The following SH3GL1 variants were observed in gnomAD, a reference collection of about 807,000 sequenced individuals.
SH3GL1 encodes the protein SH3 domain containing GRB2 like 1, endophilin A2, also known as endophilin-A2.
Under a neutral mutation model 48.8 loss-of-function variants are expected in SH3GL1, and 21 were observed. The ratio of observed to expected loss-of-function variants is 0.43; its 90% CI spans 0.30 to 0.62. The LOEUF (loss-of-function observed/expected upper bound fraction) is 0.62, where lower values mean the gene tolerates loss of function less well. SH3GL1 is among the 20% of genes least tolerant of loss of function. The probability of loss-of-function intolerance (pLI) is 0.11; values close to 1 mark genes in which losing one functional copy is unlikely to be tolerated. For missense variants in SH3GL1, 454 were observed against 503.0 expected (o/e 0.90, Z 0.93); for synonymous variants, 282 against 217.5 (o/e 1.30, Z -2.61).
At chr19:4,396,820 G>T (rs887818428) in intron 1 of SH3GL1, among the ~76,000 whole-genome samples, 2 of 152,152 alleles carry the variant, frequency 1.3e-5, no homozygotes, top group South Asian at 4.1e-4. Context: ...ACCAAGCTGT[G>T]ACAACCAAAA....
rs993436184 is a variant in SH3GL1 at position 4,367,789 on chromosome 19, C to T, written c.46-795G>A. ...CCCTGAAATGTCCCATGGAACATGG[C>T]GGGAACCACTGAACCCCAGCACCGC... On this transcript the variant is annotated intron_variant, in intron 1 of 9. Transcript: ENST00000269886. This position sits in a 1 kb window ranked among gnomAD's most constrained non-coding sequence, Gnocchi z 4.2. 5.3e-5 allele frequency among the ~76,000 whole-genome samples: 8 copies of T among 152,354 alleles called. No homozygotes were observed. Among genetic ancestry groups the T allele is most frequent in the African/African-American group, 1.2e-4 (5 of 41,576 alleles).
chr19:4,367,095 G>A lies in SH3GL1; in HGVS notation c.46-101C>T. 2 of 1,033,508 alleles carry A rather than the reference G, an allele frequency of 1.9e-6. No individual in the cohort carries two copies. Among genetic ancestry groups the A allele is most frequent in the East Asian group, 2.4e-5 (1 of 42,180 alleles). 64.0% of individuals were successfully genotyped at this position (1,033,508 alleles called of 1,614,324 possible). ...TTCCAGCCACATCGCATCCACAGCT[G>A]GAGGCAGGAGGCCAAGTGATCAGGA... On this transcript the variant is annotated intron_variant, in intron 1 of 9. Coordinates refer to ENST00000269886, the MANE Select transcript of SH3GL1 (RefSeq NM_003025.4). This position sits in a 1 kb window ranked among gnomAD's most constrained non-coding sequence, Gnocchi z 4.2.
At chr19:4,364,307 CGTTT>C (rs1972712012) in intron 4 of SH3GL1, 86 bp from the exon 5 acceptor site, 2 of 1,549,968 alleles carry the variant, frequency 1.3e-6, no homozygotes, top group African/African-American at 2.7e-5. Context: ...TTTGAAATAG[CGTTT>C]CACAGGCTGG....
intron 3 of SH3GL1, 88 bp downstream of exon 3, chr19:4,366,413 G>T: frequency 1.9e-6 from 2 of 1,043,390 alleles, no homozygotes; most frequent in Non-Finnish European, 2.9e-6. Context: ...CAACCCATGA[G>T]CCTGGCGGTT....
At chr19:4,397,073 C>T (rs997576483) in intron 1 of SH3GL1, among the ~76,000 whole-genome samples, 5 of 152,092 alleles carry the variant, frequency 3.3e-5, no homozygotes, top group African/African-American at 1.2e-4. Context: ...CCAACAGGCA[C>T]AGCAGAGGGT....
At chr19:4,387,952 T>C (rs1199186726) in intron 1 of SH3GL1, among the ~76,000 whole-genome samples, 2 of 151,854 alleles carry the variant, frequency 1.3e-5, no homozygotes, top group East Asian at 3.9e-4. Context: ...CTCTGCCTCC[T>C]GAGTTCAAGC....
At chr19:4,368,824 C>A (rs1046697864) in intron 1 of SH3GL1, among the ~76,000 whole-genome samples, 2 of 152,200 alleles carry the variant, frequency 1.3e-5, no homozygotes, top group African/African-American at 4.8e-5. Context: ...GTAATCCCAG[C>A]ACTTTGGGAG....
chr19:4,365,397 A>C, intron 4 of SH3GL1, 85 bp downstream of exon 4: 1 of 1,564,702 alleles, frequency 6.4e-7, no homozygotes, highest in Admixed American at 1.7e-5. Context: ...GGCACTCAGC[A>C]CATGCAGGGC....
Position 4,361,478 on chromosome 19 carries a change from GC to G in SH3GL1, c.*121del. The G allele has an allele frequency of 1.4e-6, 1 of 718,278 alleles. No individual in the cohort carries two copies. The highest frequency in any genetic ancestry group is 2.3e-6 in the Non-Finnish European group (1 of 431,190). The allele number at this position is 718,278 out of a possible 1,614,324, so 44.5% of individuals were successfully genotyped here. A position where few individuals can be genotyped will look rare whatever the true frequency, so the allele number is the denominator to read the frequency against. On this transcript the variant is annotated 3_prime_UTR_variant, in exon 10 of 10. Coordinates refer to ENST00000269886, the MANE Select transcript of SH3GL1 (RefSeq NM_003025.4). ...CTCAGGGAGTACCTCAAGGGCCGGG[GC>G]CCAGGTGGCGCCGGCAGGCTCAGAC... is the stretch of plus-strand genomic sequence containing the variant.
Position 4,362,318 on chromosome 19 carries a change from G to A in SH3GL1, c.910+11C>T. ...CAGCACTGAGGTCGAGGCGGGCCTG[G>A]GAACACTCACGCATGCTCCGGCTAG... On this transcript the variant is annotated intron_variant, in intron 9 of 9. Coordinates refer to ENST00000269886, the MANE Select transcript of SH3GL1 (RefSeq NM_003025.4). 1 of 1,610,130 alleles carries A rather than the reference G, an allele frequency of 6.2e-7. No individual in the cohort carries two copies. The highest frequency in any genetic ancestry group is 8.5e-7 in the Non-Finnish European group (1 of 1,178,004).
At chr19:4,369,281 C>T (rs1435543978) in intron 1 of SH3GL1, among the ~76,000 whole-genome samples, 1 of 152,224 alleles carries the variant, frequency 6.6e-6, no homozygotes, top group African/African-American at 2.4e-5. Flanking sequence ...AGTTTCACTT[C>T]TTTTGATTGT....
chr19:4,395,562 A>C (rs1368217152), intron 1 of SH3GL1: 1 of 152,226 alleles, frequency 6.6e-6, no homozygotes, highest in Non-Finnish European at 1.5e-5. Flanking sequence ...AGGCTTATTC[A>C]TACATATGGT....
chr19:4,378,360 C>T (rs550609080), intron 1 of SH3GL1, among the ~76,000 whole-genome samples: 38 of 152,134 alleles, frequency 2.5e-4, no homozygotes, highest in African/African-American at 8.0e-4. Flanking sequence ...TGAGCAGGAA[C>T]ACAAACCCCT....
intron 1 of SH3GL1, among the ~76,000 whole-genome samples, chr19:4,378,052 A>G (rs1266094948): frequency 6.6e-6 from 1 of 152,018 alleles, no homozygotes; most frequent in Non-Finnish European, 1.5e-5. Flanking sequence ...CCTCAAACAC[A>G]AGCTTCCTGC....
Position 4,400,531 on chromosome 19 carries a change from C to G in SH3GL1, c.-163G>C. The stretch of plus-strand genomic sequence containing the variant: ...GCGCCGCCTCAGCCGCTCGCGCGCC[C>G]GCGCGGCCAGGATATTACATGGCAA... On this transcript the variant is annotated 5_prime_UTR_variant, in exon 1 of 10. Transcript: ENST00000269886. The surrounding 1 kb of genome is among the most constrained non-coding windows in gnomAD (Gnocchi z 4.1). 4.8e-6 allele frequency: 2 copies of G among 415,748 alleles called. No individual in the cohort carries two copies. The highest frequency in any genetic ancestry group is 6.5e-6 in the Non-Finnish European group (2 of 307,592). 25.8% of individuals were successfully genotyped at this position (415,748 alleles called of 1,614,324 possible).
Position 4,378,245 on chromosome 19 carries a change from G to A in SH3GL1, c.46-11251C>T, listed in dbSNP as rs560820262. Among the ~76,000 whole-genome samples the A allele has an allele frequency of 3.9e-5, 6 of 152,314 alleles. No individual in the cohort carries two copies. The South Asian group carries it at 6.2e-4, about 16-fold the overall frequency. ...CAGTAACACATCAGAGCAAAGGTGT[G>A]CCGTAACGCCACGAGGCAAGCAGGC... On this transcript the variant is annotated intron_variant, in intron 1 of 9. Coordinates refer to ENST00000269886, the MANE Select transcript of SH3GL1 (RefSeq NM_003025.4).
intron 1 of SH3GL1, among the ~76,000 whole-genome samples, chr19:4,374,444 C>T (rs541790354): frequency 3.9e-4 from 60 of 152,344 alleles, no homozygotes; most frequent in Non-Finnish European, 7.6e-4. Context: ...AGCAAAGTCA[C>T]CAGCGGGAGT....
At chr19:4,363,338 A>C (rs1399312820) in intron 7 of SH3GL1, 32 bp downstream of exon 7, 7 of 1,539,620 alleles carry the variant, frequency 4.5e-6, no homozygotes, top group Admixed American at 3.7e-5. Context: ...ATGGCAGCCC[A>C]GACTCTGGAG....
Position 4,400,226 on chromosome 19 carries a change from C to T in SH3GL1, c.45+98G>A. ...GGGACACGCGCCAACGTCCCCACCT[C>T]GGTCCCCCCGGCCCCCTCCCGGGCC... On this transcript the variant is annotated intron_variant, in intron 1 of 9. Coordinates refer to ENST00000269886, the MANE Select transcript of SH3GL1 (RefSeq NM_003025.4). This position sits in a 1 kb window ranked among gnomAD's most constrained non-coding sequence, Gnocchi z 4.1. 1 of 1,334,344 alleles carries T rather than the reference C, an allele frequency of 7.5e-7. No individual in the cohort carries two copies. Among genetic ancestry groups the T allele is most frequent in the Non-Finnish European group, 1.0e-6 (1 of 982,166 alleles). The allele number at this position is 1,334,344 out of a possible 1,614,324, so 82.7% of individuals were successfully genotyped here.
Sources: allele counts gnomAD v4.1 joint callset (sites outside exome capture counted in the v4.1 genomes callset), GRCh38; gene constraint gnomAD v4.1.1; non-coding constraint Gnocchi (gnomAD v3.1); transcripts MANE v1.5; gene names NCBI Gene and HGNC (gene_info 2026-07-23, HGNC 2026-07-21).